Variants in ABCB1 observed in about 807,000 individuals in gnomAD.
ABCB1 encodes the protein ATP binding cassette subfamily B member 1, also known as ATP-dependent translocase ABCB1.
A neutral mutation model predicts 142.0 loss-of-function variants in ABCB1; 69 were observed. The observed-to-expected ratio is 0.49, with a 90% CI of 0.40 to 0.59. ABCB1 has a LOEUF of 0.59. Among genes scored for constraint, ABCB1 ranks in the 20% least tolerant of loss-of-function variants. The probability of loss-of-function intolerance (pLI) is 0.00; values close to 1 mark genes in which losing one functional copy is unlikely to be tolerated. For synonymous variants in ABCB1, 532 were observed against 539.2 expected, an observed-to-expected ratio of 0.99 and a Z score of 0.18; for missense variants, 1,326 against 1,554.7, an observed-to-expected ratio of 0.85 and a Z score of 2.47.
intron 21 of ABCB1, 186 bp from the exon 22 acceptor site, chr7:87,521,062 A>G (rs1815483954): frequency 3.4e-6 from 2 of 584,354 alleles, no homozygotes; most frequent in Non-Finnish European, 6.0e-6. Flanking sequence ...TGGAAGGAAG[A>G]TTGACTAATT....
At chr7:87,521,477 C>A in intron 21 of ABCB1, 1 of 738,300 alleles carries the variant, frequency 1.4e-6, no homozygotes, top group South Asian at 1.5e-5. Context: ...AAGTCAGAGT[C>A]TCCTAATGAG....
At chr7:87,552,230 TG>T (rs1312528077) in intron 9 of ABCB1, among the ~76,000 whole-genome samples, 1 of 152,236 alleles carries the variant, frequency 6.6e-6, no homozygotes, top group Non-Finnish European at 1.5e-5. Flanking sequence ...TGTTTCTCTT[TG>T]GGGTTGATGA....
intron 1 of ABCB1, among the ~76,000 whole-genome samples, chr7:87,647,677 A>G (rs191251561): frequency 7.2e-5 from 11 of 152,286 alleles, no homozygotes; most frequent in Admixed American, 2.0e-4. Context: ...TTACCATTGT[A>G]ATTCAGTTGT....
At chr7:87,666,024 T>C (rs1251173295) in intron 1 of ABCB1, among the ~76,000 whole-genome samples, 3 of 152,176 alleles carry the variant, frequency 2.0e-5, no homozygotes, top group Non-Finnish European at 2.9e-5. Flanking sequence ...CTGGGTCGAA[T>C]GGTAGTTCTT....
At chr7:87,598,837 C>A (rs1465406748) in intron 2 of ABCB1, among the ~76,000 whole-genome samples, 1 of 152,144 alleles carries the variant, frequency 6.6e-6, no homozygotes, top group Non-Finnish European at 1.5e-5. Flanking sequence ...ACTCCACTTC[C>A]TTATTTTCAG....
intron 20 of ABCB1, among the ~76,000 whole-genome samples, chr7:87,534,917 T>TA (rs139364527): frequency 0.028 from 2,534 of 91,640 alleles, 38 homozygotes; most frequent in African/African-American, 0.054. Flanking sequence ...CCTGTCTCTT[T>TA]AAAAAAAAAA....
chr7:87,511,121 G>A (rs757232830), intron 25 of ABCB1, among the ~76,000 whole-genome samples: 5 of 152,108 alleles, frequency 3.3e-5, no homozygotes, highest in African/African-American at 9.7e-5. Flanking sequence ...GGGCCTCCTC[G>A]TCCCCGCATA....
At chr7:87,524,849 C>G (rs961784976) in intron 21 of ABCB1, among the ~76,000 whole-genome samples, 2 of 151,614 alleles carry the variant, frequency 1.3e-5, no homozygotes, top group Non-Finnish European at 2.9e-5. Flanking sequence ...GAAAATTCAA[C>G]AGACTATAAC....
At chr7:87,582,931 T>C (rs540385665) in intron 4 of ABCB1, among the ~76,000 whole-genome samples, 1 of 152,304 alleles carries the variant, frequency 6.6e-6, no homozygotes, top group Admixed American at 6.5e-5. Context: ...CTACCTTCCC[T>C]GAAAGGCATG....
chr7:87,604,925 TTAA>T (rs972764047), upstream of ABCB1, among the ~76,000 whole-genome samples: 3 of 152,204 alleles, frequency 2.0e-5, no homozygotes, highest in African/African-American at 7.2e-5. Context: ...GTATTTATTA[TTAA>T]TGTTTCATAT....
At chr7:87,620,254 G>A (rs1166089948) in intron 1 of ABCB1, among the ~76,000 whole-genome samples, 4 of 151,668 alleles carry the variant, frequency 2.6e-5, no homozygotes, top group Admixed American at 1.3e-4. Context: ...TCCACCTTGC[G>A]GGTTCAAGTA....
chr7:87,698,860 T>C (rs761121063), intron 1 of ABCB1, among the ~76,000 whole-genome samples: 6 of 152,228 alleles, frequency 3.9e-5, no homozygotes, highest in Non-Finnish European at 7.4e-5. Context: ...CATGGGTTTC[T>C]GGAAGAGGCC....
At chr7:87,568,492 A>C (rs569046112) in intron 5 of ABCB1, among the ~76,000 whole-genome samples, 1 of 152,220 alleles carries the variant, frequency 6.6e-6, no homozygotes, top group South Asian at 2.1e-4. Context: ...TCTAAAATAA[A>C]ATACAGTATT....
At chr7:87,679,566 T>A (rs935165256) in intron 1 of ABCB1, among the ~76,000 whole-genome samples, 2 of 150,070 alleles carry the variant, frequency 1.3e-5, no homozygotes, top group Non-Finnish European at 3.0e-5. Flanking sequence ...ATTTTTTGAT[T>A]TTTTATAGAG....
intron 5 of ABCB1, 44 bp downstream of exon 5, chr7:87,570,128 G>A: frequency 6.5e-7 from 1 of 1,539,422 alleles, no homozygotes; most frequent in Non-Finnish European, 9.0e-7. Context: ...ACAACTTGAT[G>A]AATATAGAAA....
intron 5 of ABCB1, among the ~76,000 whole-genome samples, chr7:87,567,850 T>G (rs1817841841): frequency 6.6e-6 from 1 of 152,048 alleles, no homozygotes; most frequent in South Asian, 2.1e-4. Flanking sequence ...ATCCCAGCAC[T>G]TTGGGAGGCC....
intron 1 of ABCB1, among the ~76,000 whole-genome samples, chr7:87,683,065 T>A (rs1005154681): frequency 2.0e-5 from 3 of 152,164 alleles, no homozygotes; most frequent in Non-Finnish European, 4.4e-5. Context: ...TTATTATTAT[T>A]TTTTTATGTA....
chr7:87,668,792 G>T (rs1301870041), intron 1 of ABCB1, among the ~76,000 whole-genome samples: 1 of 152,122 alleles, frequency 6.6e-6, no homozygotes, highest in Non-Finnish European at 1.5e-5. Context: ...GGTTCTGAGT[G>T]ATTTTCATAG....
chr7:87,565,181 A>T (rs545427028), intron 7 of ABCB1, among the ~76,000 whole-genome samples: 3 of 152,232 alleles, frequency 2.0e-5, no homozygotes, highest in Non-Finnish European at 4.4e-5. Context: ...ATACAGGTTA[A>T]AATTTCTACA....
Sources: allele counts gnomAD v4.1 joint callset (sites outside exome capture counted in the v4.1 genomes callset), GRCh38; gene constraint gnomAD v4.1.1; transcripts MANE v1.5; gene names NCBI Gene and HGNC (gene_info 2026-07-23, HGNC 2026-07-21).